LRRC4C: variants seen among roughly 807,000 people sequenced by gnomAD.
LRRC4C encodes leucine rich repeat containing 4C, also known as leucine-rich repeat-containing protein 4C.
Under a neutral mutation model 33.6 loss-of-function variants are expected in LRRC4C, and 5 were observed. That is an observed-to-expected ratio of 0.15 (90% CI 0.08 to 0.31). LRRC4C has a LOEUF of 0.31. LRRC4C is among the 10% of genes least tolerant of loss of function. LRRC4C has a pLI of 1.00. For missense variants in LRRC4C, 560 were observed against 796.7 expected (o/e 0.70, Z 3.58); for synonymous variants, 329 against 302.0 (o/e 1.09, Z -0.93).
At chr11:40,926,365 C>T (rs866251321) in intron 2 of LRRC4C, among the ~76,000 whole-genome samples, 18 of 151,590 alleles carry the variant, frequency 1.2e-4, no homozygotes, top group Admixed American at 9.2e-4. Context: ...GAAATAAATT[C>T]GACAATAAAT....
At chr11:40,757,157 T>A (rs1403560733) in intron 2 of LRRC4C, among the ~76,000 whole-genome samples, 1 of 152,090 alleles carries the variant, frequency 6.6e-6, no homozygotes, top group Non-Finnish European at 1.5e-5. Context: ...ACCTGCTTTC[T>A]GTTGAGAATG....
chr11:40,313,752 C>T (rs776794563), intron 4 of LRRC4C, among the ~76,000 whole-genome samples: 2 of 148,296 alleles, frequency 1.3e-5, no homozygotes, highest in African/African-American at 2.5e-5. Flanking sequence ...GGACTACAGG[C>T]GCCCGCCATC....
intron 1 of LRRC4C, among the ~76,000 whole-genome samples, chr11:41,212,604 C>T (rs1008167830): frequency 5.9e-5 from 9 of 152,282 alleles, no homozygotes; most frequent in Middle Eastern, 3.4e-3. Context: ...TCAACAGGCC[C>T]CAGTGTGTCC....
chr11:40,850,949 C>T (rs1953456498), intron 2 of LRRC4C, among the ~76,000 whole-genome samples: 1 of 152,168 alleles, frequency 6.6e-6, no homozygotes. Flanking sequence ...ACCACCTACT[C>T]AAGCCTCAGT....
intron 5 of LRRC4C, among the ~76,000 whole-genome samples, chr11:40,184,072 T>C (rs1389374244): frequency 1.3e-5 from 2 of 151,956 alleles, no homozygotes; most frequent in Non-Finnish European, 2.9e-5. Flanking sequence ...GATGTTAAGC[T>C]GGTTGCTTAG....
intron 1 of LRRC4C, among the ~76,000 whole-genome samples, chr11:40,991,338 T>C (rs1031571027): frequency 2.3e-4 from 35 of 151,832 alleles, no homozygotes; most frequent in South Asian, 2.1e-4. Flanking sequence ...AAATGACTAA[T>C]ATATGATGTT....
rs542244434 is a variant in LRRC4C, at chr11:41,349,457, AAAAACAAAAC to A, written c.-496+109964_-496+109973del. On this transcript the variant is annotated intron_variant, in intron 1 of 6. Coordinates refer to ENST00000528697, the MANE Select transcript of LRRC4C (RefSeq NM_001258419.2). ...GCTTAAACTTAAGGGGCTGGAGGAA[AAAAACAAAAC>A]AAAACAAAACAAAAAAACAACAACA... Among the ~76,000 whole-genome samples, 629 of 150,974 alleles carry A rather than the reference AAAAACAAAAC, an allele frequency of 4.2e-3. 4 individuals are homozygous for A. Among genetic ancestry groups the A allele is most frequent in the African/African-American group, 0.015 (600 of 40,454 alleles).
intron 3 of LRRC4C, among the ~76,000 whole-genome samples, chr11:40,493,188 T>C (rs1034837872): frequency 6.6e-6 from 1 of 152,090 alleles, no homozygotes; most frequent in East Asian, 1.9e-4. Flanking sequence ...TTTAATCTTG[T>C]CTAAACACAG....
chr11:40,367,725 C>G (rs749710054), intron 3 of LRRC4C, among the ~76,000 whole-genome samples: 63 of 152,030 alleles, frequency 4.1e-4, no homozygotes, highest in Non-Finnish European at 2.2e-4. Flanking sequence ...TGTCAAGAGG[C>G]CTTCCTGATA....
At chr11:40,785,759 G>T (rs1950386892) in intron 2 of LRRC4C, among the ~76,000 whole-genome samples, 1 of 152,076 alleles carries the variant, frequency 6.6e-6, no homozygotes, top group African/African-American at 2.4e-5. Flanking sequence ...TGTCATTTAG[G>T]TTGTACTAGG....
intron 1 of LRRC4C, among the ~76,000 whole-genome samples, chr11:41,317,049 A>G (rs917269954): frequency 1.3e-5 from 2 of 152,198 alleles, no homozygotes; most frequent in African/African-American, 4.8e-5. Flanking sequence ...TTCTCTACAC[A>G]GTCATCTTGA....
chr11:41,073,019 C>G (rs887161394), intron 1 of LRRC4C, among the ~76,000 whole-genome samples: 1 of 152,142 alleles, frequency 6.6e-6, no homozygotes, highest in Non-Finnish European at 1.5e-5. Context: ...CCTATAAACA[C>G]TGCTATATTG....
At chr11:41,152,717 C>T (rs760354378) in intron 1 of LRRC4C, among the ~76,000 whole-genome samples, 1 of 152,084 alleles carries the variant, frequency 6.6e-6, no homozygotes, top group Non-Finnish European at 1.5e-5. Context: ...TAATGAACGC[C>T]TAGAGTGCCA....
intron 5 of LRRC4C, among the ~76,000 whole-genome samples, chr11:40,234,014 C>A (rs1189236578): frequency 6.6e-6 from 1 of 152,264 alleles, no homozygotes; most frequent in Admixed American, 6.5e-5. Flanking sequence ...TATATATGAA[C>A]AAAGTGAGGC....
chr11:40,941,052 A>AG (rs945572466), intron 1 of LRRC4C, among the ~76,000 whole-genome samples: 30 of 152,180 alleles, frequency 2.0e-4, no homozygotes, highest in African/African-American at 7.0e-4. Flanking sequence ...GGACAAAAAA[A>AG]CAGAACTGGC....
chr11:41,059,961 G>A (rs1273796185), intron 1 of LRRC4C, among the ~76,000 whole-genome samples: 1 of 151,628 alleles, frequency 6.6e-6, no homozygotes, highest in African/African-American at 2.4e-5. Context: ...GGAGGCAGAG[G>A]TTGCAATCAG....
At chr11:40,145,830 G>A (rs1220163770) in intron 5 of LRRC4C, among the ~76,000 whole-genome samples, 1 of 152,018 alleles carries the variant, frequency 6.6e-6, no homozygotes, top group Admixed American at 6.6e-5. Flanking sequence ...TCAGTATAAG[G>A]ACCAGGACAA....
At chr11:41,152,113 C>A (rs938282137) in intron 1 of LRRC4C, among the ~76,000 whole-genome samples, 4 of 152,108 alleles carry the variant, frequency 2.6e-5, no homozygotes, top group African/African-American at 9.7e-5. Context: ...GTTATATAAC[C>A]ATTATATTCA....
At chr11:41,435,374 T>C (rs115824864) in intron 1 of LRRC4C, among the ~76,000 whole-genome samples, 2,462 of 152,270 alleles carry the variant, frequency 0.016, 66 homozygotes, top group African/African-American at 0.056. Context: ...AGGAATGCAA[T>C]CCTCTTGTGC....
Sources: gnomAD v4.1 joint callset for allele counts (sites outside exome capture counted in the v4.1 genomes callset) on GRCh38, gnomAD v4.1.1 for gene constraint, MANE v1.5 for transcripts, NCBI Gene and HGNC (gene_info 2026-07-23, HGNC 2026-07-21) for gene names.